The following MYO3A variants were observed in gnomAD, a reference collection of about 807,000 sequenced individuals.
MYO3A encodes the protein myosin IIIA, also known as myosin-IIIa.
Under a neutral mutation model 192.7 loss-of-function variants are expected in MYO3A, and 180 were observed. The observed-to-expected ratio is 0.93, with a 90% CI of 0.83 to 1.06. The LOEUF is 1.06. Ranked by LOEUF, MYO3A falls within the 50% of genes least tolerant of loss-of-function variation. The probability of loss-of-function intolerance (pLI) is 0.00; values close to 1 mark genes in which losing one functional copy is unlikely to be tolerated. For synonymous variants in MYO3A, 628 were observed against 645.3 expected (o/e 0.97, Z 0.41); for missense variants, 1,896 against 1,905.0 (o/e 1.00, Z 0.09).
intron 4 of MYO3A, among the ~76,000 whole-genome samples, chr10:25,974,091 G>A (rs112741273): frequency 0.043 from 6,578 of 152,198 alleles, 181 homozygotes; most frequent in Middle Eastern, 0.068. Flanking sequence ...ATCGACAAAT[G>A]GGATCTAATT....
chr10:25,990,378 A>G (rs189289569), intron 4 of MYO3A, among the ~76,000 whole-genome samples: 1,534 of 152,252 alleles, frequency 0.01, 9 homozygotes, highest in Middle Eastern at 0.034. Context: ...GAGGTGACAT[A>G]ATCTATTGCA....
intron 31 of MYO3A, among the ~76,000 whole-genome samples, chr10:26,185,732 A>T (rs1842837487): frequency 6.6e-6 from 1 of 151,350 alleles, no homozygotes; most frequent in Admixed American, 6.6e-5. Flanking sequence ...AACCCACATT[A>T]CTCACCCCCA....
At chr10:26,168,651 A>T in intron 27 of MYO3A, 61 bp from the exon 28 acceptor site, 1 of 1,519,788 alleles carries the variant, frequency 6.6e-7, no homozygotes. Flanking sequence ...TTCAAAGCAC[A>T]GCACATAACT....
chr10:26,143,003 G>A (rs1184904299), intron 20 of MYO3A, among the ~76,000 whole-genome samples: 3 of 152,140 alleles, frequency 2.0e-5, no homozygotes, highest in Non-Finnish European at 4.4e-5. Flanking sequence ...AAGCAGCAAT[G>A]TGGAGAGAAA....
chr10:26,169,490 TAC>T (rs1256837504), intron 28 of MYO3A, among the ~76,000 whole-genome samples: 2 of 152,068 alleles, frequency 1.3e-5, no homozygotes, highest in African/African-American at 4.8e-5. Context: ...TTTTAACCTA[TAC>T]ACACACACAC....
At chr10:26,148,131 A>C (rs1444065389) in intron 23 of MYO3A, among the ~76,000 whole-genome samples, 1 of 152,218 alleles carries the variant, frequency 6.6e-6, no homozygotes, top group Non-Finnish European at 1.5e-5. Context: ...TTTTTGACAT[A>C]TATAAGCACC....
intron 6 of MYO3A, among the ~76,000 whole-genome samples, chr10:25,999,710 C>T (rs544801626): frequency 6.6e-6 from 1 of 152,134 alleles, no homozygotes; most frequent in Non-Finnish European, 1.5e-5. Flanking sequence ...CTGTCAGGCA[C>T]CTCATACTCA....
At chr10:26,049,414 G>A (rs1290159271) in intron 10 of MYO3A, among the ~76,000 whole-genome samples, 1 of 152,044 alleles carries the variant, frequency 6.6e-6, no homozygotes, top group Admixed American at 6.5e-5. Flanking sequence ...GAGAAATAGG[G>A]CAATAGCTGG....
At chr10:26,043,149 GTCTCTCTCTCTCTCTC>G (rs59621862) in intron 10 of MYO3A, among the ~76,000 whole-genome samples, 14 of 143,274 alleles carry the variant, frequency 9.8e-5, no homozygotes, top group Admixed American at 8.4e-4. Flanking sequence ...GCCAAACAGA[GTCTCTCTCTCTCTCTC>G]TCTCTCTCTC....
chr10:26,160,575 T>C, intron 26 of MYO3A, among the ~76,000 whole-genome samples: 1 of 150,978 alleles, frequency 6.6e-6, no homozygotes, highest in East Asian at 1.9e-4. Flanking sequence ...AGCCCAGGAG[T>C]TCAAGGTTAC....
At chr10:26,081,561 C>G (rs1835961286) in intron 14 of MYO3A, among the ~76,000 whole-genome samples, 1 of 152,164 alleles carries the variant, frequency 6.6e-6, no homozygotes, top group Admixed American at 6.5e-5. Flanking sequence ...TGGCACCCTC[C>G]CCCGAGTTGG....
chr10:26,014,729 T>A (rs1841887847), intron 6 of MYO3A, among the ~76,000 whole-genome samples: 1 of 152,072 alleles, frequency 6.6e-6, no homozygotes, highest in Non-Finnish European at 1.5e-5. Context: ...ATAATACAAT[T>A]TATGACCCCT....
intron 4 of MYO3A, among the ~76,000 whole-genome samples, chr10:25,956,437 C>T (rs72789932): frequency 0.045 from 6,709 of 150,412 alleles, 182 homozygotes; most frequent in Non-Finnish European, 0.065. Context: ...AAGTGATTCT[C>T]GAGCCTCAGC....
At chr10:26,033,556 G>A (rs542543408) in intron 10 of MYO3A, among the ~76,000 whole-genome samples, 31 of 152,112 alleles carry the variant, frequency 2.0e-4, no homozygotes, top group African/African-American at 2.4e-4. Flanking sequence ...TAGAAATCGC[G>A]GATTGAGATG....
At chr10:26,049,610 C>A (rs113597462) in intron 10 of MYO3A, among the ~76,000 whole-genome samples, 330 of 151,210 alleles carry the variant, frequency 2.2e-3, no homozygotes, top group African/African-American at 7.6e-3. Flanking sequence ...GTTTCTTTTC[C>A]ATTAGAACCA....
intron 22 of MYO3A, 97 bp from the exon 23 acceptor site, chr10:26,147,333 C>T: frequency 7.9e-7 from 1 of 1,269,094 alleles, no homozygotes; most frequent in South Asian, 1.2e-5. Context: ...ATAGAGTAAG[C>T]TCATAATGAG....
chr10:25,977,015 T>C (rs1019320903), intron 4 of MYO3A, among the ~76,000 whole-genome samples: 11 of 152,330 alleles, frequency 7.2e-5, no homozygotes, highest in Admixed American at 6.5e-4. Context: ...AATATTATCT[T>C]GTTACTTTTC....
intron 17 of MYO3A, among the ~76,000 whole-genome samples, chr10:26,098,794 A>G (rs1032178623): frequency 1.3e-5 from 2 of 152,298 alleles, no homozygotes; most frequent in South Asian, 4.1e-4. Flanking sequence ...TACCAGTACC[A>G]TACTGTTTTG....
chr10:25,993,363 CA>C (rs1386986374), intron 4 of MYO3A, among the ~76,000 whole-genome samples: 1 of 152,018 alleles, frequency 6.6e-6, no homozygotes. Flanking sequence ...ATATCCCCTT[CA>C]TGATTTTTTA....
Sources: gnomAD v4.1 joint callset for allele counts (sites outside exome capture counted in the v4.1 genomes callset) on GRCh38, gnomAD v4.1.1 for gene constraint, MANE v1.5 for transcripts, NCBI Gene and HGNC (gene_info 2026-07-23, HGNC 2026-07-21) for gene names.